Variants in GRID1 observed in about 807,000 individuals in gnomAD.
The protein encoded by GRID1 is glutamate ionotropic receptor delta type subunit 1.
A neutral mutation model predicts 98.0 loss-of-function variants in GRID1; 28 were observed. That is an observed-to-expected ratio of 0.29 (90% confidence interval 0.21 to 0.39). The LOEUF (loss-of-function observed/expected upper bound fraction) is 0.39, where lower values mean the gene tolerates loss of function less well. GRID1 is among the 10% of genes least tolerant of loss of function. GRID1 has a pLI of 1.00. For synonymous variants in GRID1, 553 were observed against 538.5 expected, an observed-to-expected ratio of 1.03 and a Z score of -0.37; for missense variants, 1,111 against 1,340.5, an observed-to-expected ratio of 0.83 and a Z score of 2.67.
At chr10:86,055,480 C>T (rs1449046376) in intron 4 of GRID1, among the ~76,000 whole-genome samples, 2 of 152,114 alleles carry the variant, frequency 1.3e-5, no homozygotes, top group Non-Finnish European at 2.9e-5. Flanking sequence ...TAAGAAGAGA[C>T]CCCTGTAATC....
At chr10:86,289,998 C>T (rs573757403) in intron 2 of GRID1, among the ~76,000 whole-genome samples, 1 of 152,192 alleles carries the variant, frequency 6.6e-6, no homozygotes, top group Non-Finnish European at 1.5e-5. Flanking sequence ...CGCGAGGGAG[C>T]AAGAAAGAGA....
intron 12 of GRID1, among the ~76,000 whole-genome samples, chr10:85,703,022 A>G (rs1330839239): frequency 2.0e-5 from 3 of 151,880 alleles, no homozygotes; most frequent in South Asian, 2.1e-4. Flanking sequence ...GAGAAGAGAG[A>G]AAGTTGTGAG....
intron 4 of GRID1, among the ~76,000 whole-genome samples, chr10:86,008,266 T>C (rs947415938): frequency 2.6e-5 from 4 of 151,892 alleles, no homozygotes; most frequent in African/African-American, 9.7e-5. Context: ...ACCCTCAGAC[T>C]CCTCCTGGAA....
At chr10:85,832,761 C>T (rs556853258) in intron 8 of GRID1, among the ~76,000 whole-genome samples, 2 of 152,120 alleles carry the variant, frequency 1.3e-5, no homozygotes, top group Admixed American at 6.5e-5. Context: ...CTAGAATTTT[C>T]TAAATTCCAA....
chr10:86,068,873 A>G (rs1355032205), intron 4 of GRID1, among the ~76,000 whole-genome samples: 1 of 151,888 alleles, frequency 6.6e-6, no homozygotes, highest in Non-Finnish European at 1.5e-5. Flanking sequence ...AGCATGCGTG[A>G]TCAGGAGTTG....
chr10:86,164,169 G>A (rs1487347423), intron 3 of GRID1, among the ~76,000 whole-genome samples: 5 of 152,204 alleles, frequency 3.3e-5, no homozygotes, highest in East Asian at 1.9e-4. Context: ...TTTATCTAAC[G>A]ATGACATTTG....
At chr10:85,733,757 G>T (rs1258700711) in intron 8 of GRID1, among the ~76,000 whole-genome samples, 3 of 152,036 alleles carry the variant, frequency 2.0e-5, no homozygotes, top group Admixed American at 2.0e-4. Context: ...GAATCACAAA[G>T]TAAAGAACCA....
intron 5 of GRID1, among the ~76,000 whole-genome samples, chr10:85,896,271 T>C (rs35050052): frequency 0.1 from 15,274 of 152,210 alleles, 942 homozygotes; most frequent in Middle Eastern, 0.2. Context: ...CTACCCAATA[T>C]AATAATCAGA....
intron 5 of GRID1, among the ~76,000 whole-genome samples, chr10:85,871,117 T>C (rs1300694921): frequency 6.6e-6 from 1 of 152,048 alleles, no homozygotes; most frequent in East Asian, 1.9e-4. Flanking sequence ...GACAAACCCA[T>C]CATACGTTGA....
intron 4 of GRID1, among the ~76,000 whole-genome samples, chr10:86,100,772 T>C (rs1160153867): frequency 6.6e-6 from 1 of 152,212 alleles, no homozygotes; most frequent in Non-Finnish European, 1.5e-5. Flanking sequence ...GGACGTGTCT[T>C]CTTGTGCTTG....
chr10:86,100,539 C>G (rs898915358), intron 4 of GRID1, among the ~76,000 whole-genome samples: 1 of 152,082 alleles, frequency 6.6e-6, no homozygotes, highest in Non-Finnish European at 1.5e-5. Context: ...GTTAGGAAAG[C>G]AATAAAGCAG....
intron 8 of GRID1, among the ~76,000 whole-genome samples, chr10:85,852,435 ACCT>A (rs2131779109): frequency 6.6e-6 from 1 of 152,194 alleles, no homozygotes; most frequent in East Asian, 1.9e-4. Context: ...TCTCTCAGGC[ACCT>A]GAGGTGGCCA....
At chr10:86,019,689 G>A (rs1405823560) in intron 4 of GRID1, among the ~76,000 whole-genome samples, 1 of 152,258 alleles carries the variant, frequency 6.6e-6, no homozygotes, top group African/African-American at 2.4e-5. Context: ...TGTGTGACTT[G>A]CTTTGAGCCA....
At chr10:85,986,071 A>C (rs975105366) in intron 4 of GRID1, among the ~76,000 whole-genome samples, 3 of 152,250 alleles carry the variant, frequency 2.0e-5, no homozygotes, top group South Asian at 2.1e-4. Flanking sequence ...GGTGCTCAAT[A>C]AATCCTGTTT....
chr10:85,727,224 T>C (rs1841770192), intron 10 of GRID1, among the ~76,000 whole-genome samples: 1 of 152,034 alleles, frequency 6.6e-6, no homozygotes, highest in African/African-American at 2.4e-5. Context: ...GTCAGAATGG[T>C]GGCAGGAGAA....
At chr10:86,150,958 A>C (rs572482547) in intron 3 of GRID1, among the ~76,000 whole-genome samples, 91 of 152,304 alleles carry the variant, frequency 6.0e-4, no homozygotes, top group African/African-American at 2.0e-3. Flanking sequence ...CCCCAGCATG[A>C]GGTATCTTGT....
chr10:85,811,670 A>G (rs1842672962), intron 8 of GRID1, among the ~76,000 whole-genome samples: 1 of 152,208 alleles, frequency 6.6e-6, no homozygotes, highest in Admixed American at 6.5e-5. Context: ...AAAAAAAGAG[A>G]AAGAACAAAT....
intron 2 of GRID1, among the ~76,000 whole-genome samples, chr10:86,244,190 G>A (rs1846684661): frequency 6.6e-6 from 1 of 152,140 alleles, no homozygotes. Context: ...TCCACCAAAA[G>A]ATGACAACTA....
At chr10:85,677,408 C>T (rs1841156992) in intron 12 of GRID1, among the ~76,000 whole-genome samples, 1 of 152,066 alleles carries the variant, frequency 6.6e-6, no homozygotes, top group Non-Finnish European at 1.5e-5. Context: ...TCACTTAGTT[C>T]CTGGATGCAT....
Sources: allele counts gnomAD v4.1 joint callset (sites outside exome capture counted in the v4.1 genomes callset), GRCh38; gene constraint gnomAD v4.1.1; transcripts MANE v1.5; gene names NCBI Gene and HGNC (gene_info 2026-07-23, HGNC 2026-07-21).